Variants in TMPRSS15 observed in about 807,000 individuals in gnomAD.
TMPRSS15 encodes the protein transmembrane serine protease 15.
Under a neutral mutation model 125.3 loss-of-function variants are expected in TMPRSS15, and 128 were observed. The ratio of observed to expected loss-of-function variants is 1.02; its 90% CI spans 0.89 to 1.18. The LOEUF (loss-of-function observed/expected upper bound fraction) is 1.18. Among genes scored for constraint, TMPRSS15 ranks in the 50% most tolerant of loss-of-function variants. The pLI, the probability that TMPRSS15 is intolerant of heterozygous loss-of-function variation, is 0.00. For missense variants in TMPRSS15, 1,283 were observed against 1,212.7 expected (o/e 1.06, Z -0.86); for synonymous variants, 446 against 423.2 (o/e 1.05, Z -0.66).
chr21:18,402,553 T>C (rs2076105611), intron 1 of TMPRSS15, among the ~76,000 whole-genome samples: 1 of 144,578 alleles, frequency 6.9e-6, no homozygotes, highest in Non-Finnish European at 1.5e-5. Context: ...AAAGAGAGAA[T>C]TTATATGCAC....
intron 1 of TMPRSS15, among the ~76,000 whole-genome samples, chr21:18,419,350 T>C (rs192791101): frequency 0.012 from 1,806 of 150,354 alleles, 39 homozygotes; most frequent in African/African-American, 0.042. Flanking sequence ...CTCAGCCTCC[T>C]GAGTAGCTGG....
At chr21:18,485,548 A>C (rs1979063261) in intron 1 of TMPRSS15, among the ~76,000 whole-genome samples, 1 of 152,024 alleles carries the variant, frequency 6.6e-6, no homozygotes, top group African/African-American at 2.4e-5. Flanking sequence ...AATCATGTAT[A>C]GTTACAAAAT....
intron 1 of TMPRSS15, among the ~76,000 whole-genome samples, chr21:18,464,635 T>A (rs1978621651): frequency 1.3e-5 from 2 of 152,256 alleles, no homozygotes; most frequent in African/African-American, 4.8e-5. Flanking sequence ...TAAACATCTC[T>A]ATGCAAATAA....
intron 3 of TMPRSS15, among the ~76,000 whole-genome samples, chr21:18,389,657 C>A (rs572090733): frequency 6.6e-6 from 1 of 152,224 alleles, no homozygotes; most frequent in South Asian, 2.1e-4. Flanking sequence ...TTTGTTCCAA[C>A]AGGAGATGGG....
chr21:18,376,291 A>G (rs2075842299), intron 5 of TMPRSS15, among the ~76,000 whole-genome samples: 2 of 152,158 alleles, frequency 1.3e-5, no homozygotes, highest in South Asian at 4.1e-4. Context: ...TAGTCTTGAT[A>G]CCATGTGAGT....
At chr21:18,403,278 ATT>A (rs1491414814) in intron 1 of TMPRSS15, among the ~76,000 whole-genome samples, 198 bp downstream of exon 1, 2 of 152,238 alleles carry the variant, frequency 1.3e-5, no homozygotes, top group East Asian at 3.8e-4. Flanking sequence ...TTTTCCTAAT[ATT>A]CTCTGAAGGG....
At chr21:18,355,465 T>C (rs2075615837) in intron 8 of TMPRSS15, among the ~76,000 whole-genome samples, 1 of 151,848 alleles carries the variant, frequency 6.6e-6, no homozygotes, top group South Asian at 2.1e-4. Context: ...AGAATATGTG[T>C]CTGTAGAGAT....
intron 10 of TMPRSS15, among the ~76,000 whole-genome samples, chr21:18,348,944 G>A (rs1292583120): frequency 1.3e-5 from 2 of 152,130 alleles, no homozygotes; most frequent in Non-Finnish European, 1.5e-5. Context: ...TTAATGGCAG[G>A]TCCTATTGTC....
chr21:18,394,726 C>T (rs1450493689), intron 3 of TMPRSS15, among the ~76,000 whole-genome samples: 1 of 152,018 alleles, frequency 6.6e-6, no homozygotes, highest in African/African-American at 2.4e-5. Flanking sequence ...AAAACACATT[C>T]CTACTAAATT....
intron 5 of TMPRSS15, among the ~76,000 whole-genome samples, chr21:18,375,845 C>T (rs902257843): frequency 2.6e-5 from 4 of 152,122 alleles, no homozygotes; most frequent in Non-Finnish European, 4.4e-5. Flanking sequence ...CCTGTGCCTA[C>T]GGAGAGCAGG....
chr21:18,379,905 T>C (rs2075876296), intron 4 of TMPRSS15, among the ~76,000 whole-genome samples: 1 of 152,090 alleles, frequency 6.6e-6, no homozygotes, highest in Non-Finnish European at 1.5e-5. Flanking sequence ...AAAATAAGAC[T>C]TCAAGTCTTA....
At chr21:18,272,098 G>A (rs1468385056) in intron 24 of TMPRSS15, among the ~76,000 whole-genome samples, 1 of 152,150 alleles carries the variant, frequency 6.6e-6, no homozygotes, top group Non-Finnish European at 1.5e-5. Context: ...GGATTGCTGG[G>A]TCAAATGGTA....
chr21:18,290,498 A>C (rs1027674297), intron 21 of TMPRSS15, among the ~76,000 whole-genome samples: 1 of 151,094 alleles, frequency 6.6e-6, no homozygotes, highest in African/African-American at 2.4e-5. Context: ...AGCAAGCTTG[A>C]GGGTTTTTTT....
intron 1 of TMPRSS15, among the ~76,000 whole-genome samples, chr21:18,434,921 T>G (rs1242171952): frequency 6.6e-6 from 1 of 152,150 alleles, no homozygotes; most frequent in African/African-American, 2.4e-5. Context: ...TAGAATTTAT[T>G]TGTAAGTACT....
intron 21 of TMPRSS15, among the ~76,000 whole-genome samples, chr21:18,285,568 T>C (rs1288169769): frequency 6.6e-6 from 1 of 152,256 alleles, no homozygotes; most frequent in Non-Finnish European, 1.5e-5. Context: ...TGAGGATTCC[T>C]AGATGGCTAG....
chr21:18,475,637 C>A (rs759008891), intron 1 of TMPRSS15, among the ~76,000 whole-genome samples: 9 of 152,010 alleles, frequency 5.9e-5, no homozygotes, highest in East Asian at 1.9e-4. Flanking sequence ...CCAGTCATTT[C>A]AAAAAGAGGG....
At chr21:18,482,352 A>G (rs920514643) in intron 1 of TMPRSS15, among the ~76,000 whole-genome samples, 1 of 151,470 alleles carries the variant, frequency 6.6e-6, no homozygotes, top group African/African-American at 2.4e-5. Context: ...TCTTAAAATT[A>G]TTAGTTTTCT....
intron 1 of TMPRSS15, among the ~76,000 whole-genome samples, chr21:18,445,140 G>A (rs1406252426): frequency 1.3e-5 from 2 of 151,096 alleles, no homozygotes; most frequent in Admixed American, 1.3e-4. Context: ...TGGCTGGCTA[G>A]TACTCCATTG....
chr21:18,452,701 C>T (rs558441200), intron 1 of TMPRSS15, among the ~76,000 whole-genome samples: 1 of 152,148 alleles, frequency 6.6e-6, no homozygotes, highest in African/African-American at 2.4e-5. Context: ...ATGTTACAAA[C>T]TGAATAGGAA....
Sources: allele counts gnomAD v4.1 joint callset (sites outside exome capture counted in the v4.1 genomes callset), GRCh38; gene constraint gnomAD v4.1.1; transcripts MANE v1.5; gene names NCBI Gene and HGNC (gene_info 2026-07-23, HGNC 2026-07-21).